FAM135A: variants seen among roughly 807,000 people sequenced by gnomAD.
The protein encoded by FAM135A is family with sequence similarity 135 member A.
Under a neutral mutation model 146.8 loss-of-function variants are expected in FAM135A, and 79 were observed. The ratio of observed to expected loss-of-function variants is 0.54; its 90% CI spans 0.45 to 0.65. The LOEUF (loss-of-function observed/expected upper bound fraction) is 0.65, where lower values mean the gene tolerates loss of function less well. Among genes scored for constraint, FAM135A ranks in the 30% least tolerant of loss-of-function variants. The probability of loss-of-function intolerance (pLI) is 0.00; values close to 1 mark genes in which losing one functional copy is unlikely to be tolerated. For synonymous variants in FAM135A, 562 were observed against 603.6 expected, an observed-to-expected ratio of 0.93 and a Z score of 1.01; for missense variants, 1,623 against 1,758.2, an observed-to-expected ratio of 0.92 and a Z score of 1.38.
rs1801782635 is a variant in FAM135A at position 70,560,926 on chromosome 6, G to A, written c.*1005G>A. The A allele has an allele frequency of 2.6e-5, 4 of 152,546 alleles. No homozygotes were observed. In the South Asian group the frequency reaches 8.3e-4, roughly 32 times the overall value. The allele number at this position is 152,546 out of a possible 1,614,324, so 9.4% of individuals were successfully genotyped here. A position where few individuals can be genotyped will look rare whatever the true frequency, so the allele number is the denominator to read the frequency against. ...GATGCAAATGTTTTTGATATATGGA[G>A]ATGTTGAGTCTTTTGACTTTACTAA... On this transcript the variant is annotated 3_prime_UTR_variant, in exon 22 of 22. Coordinates refer to ENST00000418814, the MANE Select transcript of FAM135A (RefSeq NM_001162529.3).
chr6:70,446,465 T>G (rs941861541), intron 4 of FAM135A, among the ~76,000 whole-genome samples: 1 of 152,232 alleles, frequency 6.6e-6, no homozygotes, highest in Admixed American at 6.5e-5. Flanking sequence ...CAATCAATAA[T>G]GATTCCATAG....
At chr6:70,524,144 A>G in intron 14 of FAM135A, 23 bp downstream of exon 14, 1 of 1,588,962 alleles carries the variant, frequency 6.3e-7, no homozygotes. Context: ...TAACTAAAAT[A>G]TACAAGCTAT....
chr6:70,551,809 A>G (rs562374694), intron 20 of FAM135A, among the ~76,000 whole-genome samples: 2 of 152,210 alleles, frequency 1.3e-5, no homozygotes, highest in African/African-American at 4.8e-5. Context: ...TCACTGTCTT[A>G]CATAGGCATG....
intron 20 of FAM135A, among the ~76,000 whole-genome samples, chr6:70,541,711 T>G (rs951408779): frequency 2.6e-5 from 4 of 152,192 alleles, no homozygotes; most frequent in Non-Finnish European, 5.9e-5. Flanking sequence ...CTTATACACC[T>G]AGAGGCTTAC....
Position 70,533,177 on chromosome 6 carries a change from C to T in FAM135A, c.3793C>T (p.Arg1265Ter), listed in dbSNP as rs760272377. 8 of 1,612,132 alleles carry T rather than the reference C, an allele frequency of 5.0e-6. No individual in the cohort carries two copies. Among genetic ancestry groups the T allele is most frequent in the African/African-American group, 4.0e-5 (3 of 74,710 alleles). ...TTTTTTAGGAAACAGTGCAGATCTC[C>T]GATTAGTAAAAACTTACATTGAACT... ...HGLDGNSADL[R>*]LVKTYIELGL... Residue 1265 changes from arginine to a stop codon, truncating the protein, a stop_gained, in exon 17 of 22, where the codon CGA becomes TGA. Coordinates refer to ENST00000418814, the MANE Select transcript of FAM135A (RefSeq NM_001162529.3). LOFTEE classifies it high-confidence loss of function.
At chr6:70,507,777 A>G (rs1790117362) in intron 12 of FAM135A, among the ~76,000 whole-genome samples, 1 of 152,110 alleles carries the variant, frequency 6.6e-6, no homozygotes, top group South Asian at 2.1e-4. Context: ...TACTAATTAA[A>G]AAGATAAAAT....
chr6:70,484,304 C>T (rs1784239101), intron 10 of FAM135A, among the ~76,000 whole-genome samples: 1 of 151,986 alleles, frequency 6.6e-6, no homozygotes, highest in Admixed American at 6.6e-5. Flanking sequence ...AGGAAGATAT[C>T]CATCTGCATG....
At position 70,482,683 on chromosome 6, in the gene FAM135A, C is replaced by G. The variant is rs577931830; in HGVS notation, c.823+529C>G. Among the ~76,000 whole-genome samples, 11 of 152,168 alleles carry G rather than the reference C, an allele frequency of 7.2e-5. No individual in the cohort carries two copies. The East Asian group carries it at 2.1e-3, about 29-fold the overall frequency. The stretch of plus-strand genomic sequence containing the variant: ...TTTTAAAAAATCAAACTTCAGGTTT[C>G]ATTCAAAAGTAATACCTGTATATAT... On this transcript the variant is annotated intron_variant, in intron 10 of 21. Transcript: ENST00000418814.
chr6:70,427,851 TCTTCA>T (rs1391964470), intron 3 of FAM135A, among the ~76,000 whole-genome samples: 4 of 152,182 alleles, frequency 2.6e-5, no homozygotes, highest in Admixed American at 2.0e-4. Flanking sequence ...AGAATTTTTT[TCTTCA>T]CTTAAAGAAA....
At position 70,516,604 on chromosome 6, in the gene FAM135A, C is replaced by T. The variant is rs530250026; in HGVS notation, c.1030-5909C>T. ...AGGCTGGAGTGCAGTGGCGTGACCT[C>T]GGCTCACTGCAAGCTCCGCCTCCTG... On this transcript the variant is annotated intron_variant, in intron 12 of 21. Transcript: ENST00000418814. 8.9e-4 allele frequency among the ~76,000 whole-genome samples: 125 copies of T among 141,134 alleles called. No homozygotes were observed. In the Middle Eastern group the frequency reaches 0.012, roughly 14 times the overall value. The allele number at this position is 141,134 out of a possible 152,430, so 92.6% of individuals were successfully genotyped here.
At chr6:70,552,530 G>A (rs181423190) in intron 20 of FAM135A, among the ~76,000 whole-genome samples, 3 of 147,468 alleles carry the variant, frequency 2.0e-5, no homozygotes, top group East Asian at 2.0e-4. Flanking sequence ...GTACAGTGGC[G>A]TGATCTTGGC....
chr6:70,432,139 A>G (rs1019257910), intron 4 of FAM135A, among the ~76,000 whole-genome samples: 1 of 152,154 alleles, frequency 6.6e-6, no homozygotes, highest in African/African-American at 2.4e-5. Context: ...TAGAAATGTA[A>G]TAACTTAATA....
At chr6:70,426,371 A>G (rs1770152780) in intron 2 of FAM135A, 68 bp from the exon 3 acceptor site, 1 of 152,310 alleles carries the variant, frequency 6.6e-6, no homozygotes, top group Non-Finnish European at 1.5e-5. Flanking sequence ...AACAAAACAT[A>G]GGTTTCCTTA....
intron 2 of FAM135A, chr6:70,417,715 A>G: frequency 1.4e-6 from 1 of 699,156 alleles, no homozygotes; most frequent in Non-Finnish European, 1.8e-6. Context: ...CAGCAAGTCA[A>G]GGGCTTACAT....
chr6:70,413,555 CGCGGTTGCGGTGTTT>C lies in FAM135A; in HGVS notation c.-358_-344del, dbSNP rs1340908542. 1 of 154,684 alleles carries C rather than the reference CGCGGTTGCGGTGTTT, an allele frequency of 6.5e-6. No homozygotes were observed. Among genetic ancestry groups the C allele is most frequent in the Non-Finnish European group, 1.4e-5 (1 of 69,982 alleles). The allele number at this position is 154,684 out of a possible 1,614,324, so 9.6% of individuals were successfully genotyped here. A position where few individuals can be genotyped will look rare whatever the true frequency, so the allele number is the denominator to read the frequency against. On this transcript the variant is annotated 5_prime_UTR_variant, in exon 1 of 22. Coordinates refer to ENST00000418814, the MANE Select transcript of FAM135A (RefSeq NM_001162529.3). ...CCGAGCCGCGGTGACGAACCGGCTCCGCGGTTGCGGTGTTTGCGGTTGCTGTGATGGCGATGTGAG... is the reference window on the plus strand; with the variant it reads ...CCGAGCCGCGGTGACGAACCGGCTCCGCGGTTGCTGTGATGGCGATGTGAG...
chr6:70,449,162 G>A (rs1049517296), intron 4 of FAM135A, among the ~76,000 whole-genome samples: 3 of 151,926 alleles, frequency 2.0e-5, no homozygotes, highest in Non-Finnish European at 4.4e-5. Flanking sequence ...TTTAAAAGTT[G>A]TATATATGGA....
intron 18 of FAM135A, chr6:70,535,991 T>G (rs1171219839): frequency 1.5e-5 from 4 of 272,124 alleles, no homozygotes; most frequent in South Asian, 9.0e-5. Context: ...CGTACTTATA[T>G]CTAAGCAGTT....
intron 10 of FAM135A, among the ~76,000 whole-genome samples, chr6:70,488,986 A>G (rs1234023242): frequency 6.6e-6 from 1 of 152,200 alleles, no homozygotes; most frequent in Non-Finnish European, 1.5e-5. Context: ...TATGCTTTTA[A>G]ACATTCTTTA....
At chr6:70,438,389 TAAAC>T (rs1270052242) in intron 4 of FAM135A, among the ~76,000 whole-genome samples, 2 of 152,222 alleles carry the variant, frequency 1.3e-5, no homozygotes, top group Non-Finnish European at 2.9e-5. Context: ...ATTCTAGAAA[TAAAC>T]AATTCATAGT....
Sources: allele counts gnomAD v4.1 joint callset (sites outside exome capture counted in the v4.1 genomes callset), GRCh38; gene constraint gnomAD v4.1.1; transcripts MANE v1.5; gene names NCBI Gene and HGNC (gene_info 2026-07-23, HGNC 2026-07-21).